UBR3: variants seen among roughly 807,000 people sequenced by gnomAD.
The protein encoded by UBR3 is ubiquitin protein ligase E3 component n-recognin 3.
In UBR3, 85 loss-of-function variants were observed where a neutral mutation model predicts 243.2. That is an observed-to-expected ratio of 0.35 (90% confidence interval 0.29 to 0.42). UBR3 has a LOEUF of 0.42. UBR3 is among the 10% of genes least tolerant of loss of function. The pLI is 1.00. For missense variants in UBR3, 1,686 were observed against 2,300.8 expected, an observed-to-expected ratio of 0.73 and a Z score of 5.47; for synonymous variants, 748 against 799.8, an observed-to-expected ratio of 0.94 and a Z score of 1.09.
At chr2:169,859,388 A>G (rs995574401) in intron 1 of UBR3, among the ~76,000 whole-genome samples, 1 of 152,024 alleles carries the variant, frequency 6.6e-6, no homozygotes. Flanking sequence ...TGGCTCTTAA[A>G]AAAATATTTA....
intron 1 of UBR3, among the ~76,000 whole-genome samples, chr2:169,830,345 C>A (rs1246274329): frequency 1.3e-5 from 2 of 152,182 alleles, no homozygotes; most frequent in Non-Finnish European, 2.9e-5. Flanking sequence ...TGTTTTCCAA[C>A]AGCCTCATCA....
chr2:169,954,500 C>T (rs1274123155), intron 23 of UBR3, among the ~76,000 whole-genome samples: 1 of 151,894 alleles, frequency 6.6e-6, no homozygotes, highest in Non-Finnish European at 1.5e-5. Context: ...GCCTCAGCCC[C>T]ACAAAGTGGT....
chr2:169,942,490 C>T lies in UBR3; in HGVS notation c.2664-3C>T, dbSNP rs1398082964. The T allele has an allele frequency of 3.9e-6, 6 of 1,532,224 alleles. No homozygotes were observed. In the Admixed American group the frequency reaches 1.1e-4, roughly 28 times the overall value. The allele number at this position is 1,532,224 out of a possible 1,614,324, so 94.9% of individuals were successfully genotyped here. ...TAATTCTAGTTTTGTTTTATTTTTA[C>T]AGTTTAAAACAGAGTGGAAAATTTC... On this transcript the variant is annotated splice_region_variant and splice_polypyrimidine_tract_variant and intron_variant, in intron 19 of 38. Transcript: ENST00000272793.
chr2:169,831,977 ATCTT>A (rs1230378440), intron 1 of UBR3, among the ~76,000 whole-genome samples: 2 of 152,130 alleles, frequency 1.3e-5, no homozygotes, highest in Non-Finnish European at 2.9e-5. Context: ...ATGAGAATAA[ATCTT>A]TCTGTGCCAT....
intron 35 of UBR3, among the ~76,000 whole-genome samples, chr2:170,068,505 AAAG>A (rs767922427): frequency 3.3e-5 from 5 of 152,180 alleles, no homozygotes; most frequent in African/African-American, 4.8e-5. Flanking sequence ...TAAAAATTAA[AAAG>A]AAGAAAGATC....
chr2:169,921,916 G>T (rs1342860312), intron 11 of UBR3, among the ~76,000 whole-genome samples: 1 of 152,046 alleles, frequency 6.6e-6, no homozygotes, highest in Non-Finnish European at 1.5e-5. Flanking sequence ...GCTTGAACCC[G>T]GGAGGCAGAG....
intron 2 of UBR3, among the ~76,000 whole-genome samples, chr2:169,874,210 C>T (rs2083524536): frequency 6.6e-6 from 1 of 151,636 alleles, no homozygotes; most frequent in South Asian, 2.1e-4. Context: ...CTCTTATTGC[C>T]CAGGCTGGAG....
chr2:169,893,736 AT>A (rs894566957), intron 6 of UBR3, among the ~76,000 whole-genome samples: 7 of 151,358 alleles, frequency 4.6e-5, no homozygotes, highest in African/African-American at 1.7e-4. Context: ...TGATTTTCGT[AT>A]TTTTTTTAGA....
intron 38 of UBR3, 86 bp from the exon 39 acceptor site, chr2:170,081,640 G>T: frequency 2.0e-6 from 2 of 1,025,046 alleles, no homozygotes; most frequent in Non-Finnish European, 2.8e-6. Flanking sequence ...CACTGCGAGA[G>T]ACTGTCTCAG....
At position 169,867,862 on chromosome 2, in the gene UBR3, A is replaced by G. The variant is rs1234494032; in HGVS notation, c.546-4374A>G. On this transcript the variant is annotated intron_variant, in intron 1 of 38. Transcript: ENST00000272793. ...CCCTTTCGCAGAGTATTTTAAAGCA[A>G]TTCCCCCAAATCGTGTTATTTTACC... 4.6e-5 allele frequency among the ~76,000 whole-genome samples: 7 copies of G among 152,328 alleles called. No homozygotes were observed. In the East Asian group the frequency reaches 9.6e-4, roughly 21 times the overall value.
chr2:170,035,177 A>G (rs1247024593), intron 31 of UBR3, among the ~76,000 whole-genome samples: 2 of 151,952 alleles, frequency 1.3e-5, no homozygotes, highest in Non-Finnish European at 2.9e-5. Flanking sequence ...TTTAATTTTA[A>G]TGAAGTTCAG....
At chr2:169,944,893 A>G (rs1308795246) in intron 20 of UBR3, among the ~76,000 whole-genome samples, 1 of 152,134 alleles carries the variant, frequency 6.6e-6, no homozygotes, top group African/African-American at 2.4e-5. Context: ...TACACTAGCT[A>G]GCTGGTTGTG....
chr2:169,867,695 A>G (rs2105307020), intron 1 of UBR3, among the ~76,000 whole-genome samples: 1 of 152,350 alleles, frequency 6.6e-6, no homozygotes, highest in Admixed American at 6.5e-5. Flanking sequence ...CTGATCTGCA[A>G]GATCAAAAAC....
intron 1 of UBR3, among the ~76,000 whole-genome samples, chr2:169,855,557 C>T (rs373833141): frequency 6.6e-5 from 10 of 152,098 alleles, no homozygotes; most frequent in Middle Eastern, 3.4e-3. Context: ...TGACTCTTAA[C>T]GAGCATGCTG....
At position 169,905,131 on chromosome 2, in the gene UBR3, C is replaced by T; in HGVS notation, c.1483C>T (p.His495Tyr). 1.4e-6 allele frequency: 2 copies of T among 1,477,390 alleles called. No individual in the cohort carries two copies. Among genetic ancestry groups the T allele is most frequent in the Non-Finnish European group, 1.8e-6 (2 of 1,114,408 alleles). The allele number at this position is 1,477,390 out of a possible 1,614,324, so 91.5% of individuals were successfully genotyped here. Residue 495 changes from histidine to tyrosine, a missense_variant, in exon 9 of 39, where the codon CAT (histidine) becomes TAT (tyrosine). By Grantham distance (83) the His-to-Tyr change is moderately conservative. Around this residue, in one of 8 missense-constraint regions of UBR3, gnomAD observed 346 missense variants for 585.8 expected, o/e 0.59. Coordinates refer to ENST00000272793, the MANE Select transcript of UBR3 (RefSeq NM_172070.4). ...TTTTTTAGATGAAGAAAATAGTTTACATGTGGTAGTGAACTGTGGAGAAGC... is the reference window on the plus strand; with the variant it reads ...TTTTTTAGATGAAGAAAATAGTTTATATGTGGTAGTGAACTGTGGAGAAGC... ...SELQDEENSL[H>Y]VVVNCGEALL... is the part of the protein sequence containing the mutation.
intron 24 of UBR3, among the ~76,000 whole-genome samples, chr2:169,983,602 A>G (rs2088858725): frequency 6.6e-6 from 1 of 152,120 alleles, no homozygotes; most frequent in Non-Finnish European, 1.5e-5. Context: ...GCCAGCTGAT[A>G]TTCAAGGAGT....
chr2:169,986,484 A>C (rs2089008762), intron 24 of UBR3, among the ~76,000 whole-genome samples, 161 bp from the exon 25 acceptor site: 1 of 152,188 alleles, frequency 6.6e-6, no homozygotes, highest in African/African-American at 2.4e-5. Flanking sequence ...ATCTGTCTAA[A>C]TATTTTACTT....
At chr2:169,886,370 C>A (rs1052419053) in intron 5 of UBR3, among the ~76,000 whole-genome samples, 1 of 152,080 alleles carries the variant, frequency 6.6e-6, no homozygotes, top group Non-Finnish European at 1.5e-5. Context: ...ATAAATACTT[C>A]CAATCGTAGG....
intron 18 of UBR3, among the ~76,000 whole-genome samples, chr2:169,931,584 A>G (rs2086133653): frequency 6.6e-6 from 1 of 152,052 alleles, no homozygotes; most frequent in South Asian, 2.1e-4. Context: ...CATGTTTTCA[A>G]ATGTTAAGAA....
Sources: gnomAD v4.1 joint callset for allele counts (sites outside exome capture counted in the v4.1 genomes callset) on GRCh38, gnomAD v4.1.1 for gene constraint, gnomAD v4.1.1 regional missense constraint, MANE v1.5 for transcripts, NCBI Gene and HGNC (gene_info 2026-07-23, HGNC 2026-07-21) for gene names.